The following PDE9A variants were observed in gnomAD, a reference collection of about 807,000 sequenced individuals.
PDE9A encodes high affinity cGMP-specific 3',5'-cyclic phosphodiesterase 9A.
Under a neutral mutation model 87.4 loss-of-function variants are expected in PDE9A, and 60 were observed. The ratio of observed to expected loss-of-function variants is 0.69; its 90% confidence interval spans 0.56 to 0.85. PDE9A has a LOEUF of 0.85. Among genes scored for constraint, PDE9A ranks in the 40% least tolerant of loss-of-function variants. The probability of loss-of-function intolerance (pLI) is 0.00; values close to 1 mark genes in which losing one functional copy is unlikely to be tolerated. For synonymous variants in PDE9A, 272 were observed against 279.4 expected (o/e 0.97, Z 0.27); for missense variants, 665 against 779.0 (o/e 0.85, Z 1.74).
At chr21:42,745,470 G>A (rs2053748549) in intron 8 of PDE9A, among the ~76,000 whole-genome samples, 1 of 152,232 alleles carries the variant, frequency 6.6e-6, no homozygotes, top group Admixed American at 6.5e-5. Flanking sequence ...TTAAAGGACG[G>A]GAGACAGAGT....
intron 1 of PDE9A, among the ~76,000 whole-genome samples, chr21:42,655,737 A>G (rs1417293260): frequency 6.6e-6 from 1 of 152,214 alleles, no homozygotes; most frequent in Non-Finnish European, 1.5e-5. Flanking sequence ...CACGATGAGC[A>G]TTATTCTTCC....
chr21:42,739,799 T>C lies in PDE9A; in HGVS notation c.569-3977T>C, dbSNP rs2146834310. On this transcript the variant is annotated intron_variant, in intron 7 of 19. Coordinates refer to ENST00000291539, the MANE Select transcript of PDE9A (RefSeq NM_002606.3). The surrounding 1 kb of genome is among the most constrained non-coding windows in gnomAD (Gnocchi z 4.1). ...CTTAAAACAGAGCCTTGTATGGACA[T>C]GGGAAAAAAATTATAGGTTTGTTGC... Among the ~76,000 whole-genome samples, 1 of 151,946 alleles carries C rather than the reference T, an allele frequency of 6.6e-6. No homozygotes were observed. The highest frequency in any genetic ancestry group is 2.1e-4 in the South Asian group (1 of 4,816).
chr21:42,689,497 C>G lies in PDE9A; in HGVS notation c.218+1503C>G, dbSNP rs1262915398. On this transcript the variant is annotated intron_variant, in intron 3 of 19. Coordinates refer to ENST00000291539, the MANE Select transcript of PDE9A (RefSeq NM_002606.3). Reference sequence around the variant, plus strand: ...ACTGAGTGACCTGTCCTCCTGACACCCACAAGACTAAAATGATCTCTCAGA... The same window carrying G: ...ACTGAGTGACCTGTCCTCCTGACACGCACAAGACTAAAATGATCTCTCAGA... The G allele has an allele frequency of 1.8e-5, 18 of 980,464 alleles. No homozygotes were observed. The Admixed American group carries it at 1.1e-3, about 60-fold the overall frequency. 60.7% of individuals were successfully genotyped at this position (980,464 alleles called of 1,614,324 possible).
At chr21:42,706,911 G>A (rs1020953797) in intron 4 of PDE9A, among the ~76,000 whole-genome samples, 21 of 152,084 alleles carry the variant, frequency 1.4e-4, no homozygotes, top group Non-Finnish European at 1.6e-4. Context: ...GGCTCCCCGC[G>A]TTGTGGCATA....
intron 3 of PDE9A, among the ~76,000 whole-genome samples, chr21:42,688,240 G>T (rs1027293001): frequency 6.6e-6 from 1 of 152,150 alleles, no homozygotes; most frequent in East Asian, 1.9e-4. Context: ...ACGGGAGGAG[G>T]CATTGTACAG....
intron 4 of PDE9A, among the ~76,000 whole-genome samples, chr21:42,728,224 T>C (rs945283977): frequency 1.3e-5 from 2 of 152,206 alleles, no homozygotes; most frequent in African/African-American, 4.8e-5. Flanking sequence ...TACTATACCA[T>C]CTTATATAAG....
At chr21:42,727,902 G>A (rs2051311951) in intron 4 of PDE9A, among the ~76,000 whole-genome samples, 1 of 151,906 alleles carries the variant, frequency 6.6e-6, no homozygotes, top group South Asian at 2.1e-4. Context: ...CTATTGCACT[G>A]GCTAGGACTC....
chr21:42,673,178 A>T (rs2058657282), intron 1 of PDE9A, among the ~76,000 whole-genome samples: 1 of 152,134 alleles, frequency 6.6e-6, no homozygotes. Context: ...AAAAGTTAAG[A>T]AATCTTCCCT....
intron 1 of PDE9A, among the ~76,000 whole-genome samples, chr21:42,677,645 C>CT (rs3841782): frequency 8.2e-4 from 121 of 147,700 alleles, no homozygotes; most frequent in Admixed American, 1.0e-3. Flanking sequence ...ATCCAGTTAT[C>CT]TTTTTTTTTT....
chr21:42,761,387 G>A (rs1364588936), intron 13 of PDE9A, among the ~76,000 whole-genome samples: 1 of 152,248 alleles, frequency 6.6e-6, no homozygotes, highest in Non-Finnish European at 1.5e-5. Context: ...GGAGGTGGGA[G>A]TGAGGTGTCC....
Position 42,760,870 on chromosome 21 carries a change from A to G in PDE9A, c.1048A>G (p.Ile350Val). 6.2e-7 allele frequency: 1 copy of G among 1,612,532 alleles called. No homozygotes were observed. The highest frequency in any genetic ancestry group is 8.5e-7 in the Non-Finnish European group (1 of 1,178,584). ...TATCCTGATCCTAATGACAGCGGCCATCTGCCACGATCTGGACCATCCCGG... is the reference window on the plus strand; with the variant it reads ...TATCCTGATCCTAATGACAGCGGCCGTCTGCCACGATCTGGACCATCCCGG... ...TDILILMTAA[I>V]CHDLDHPGYN... Residue 350 changes from isoleucine to valine, a missense_variant, in exon 13 of 20, where the codon ATC (isoleucine) becomes GTC (valine). Transcript: ENST00000291539. This position sits in a 1 kb window ranked among gnomAD's most constrained non-coding sequence, Gnocchi z 5.2.
At position 42,760,550 on chromosome 21, in the gene PDE9A, G is replaced by T; in HGVS notation, c.1002+118G>T. On this transcript the variant is annotated intron_variant, in intron 12 of 19. Coordinates refer to ENST00000291539, the MANE Select transcript of PDE9A (RefSeq NM_002606.3). The surrounding 1 kb of genome is among the most constrained non-coding windows in gnomAD (Gnocchi z 5.2). ...AGCCACAGGCGTGGGGTCCCCAGCC[G>T]CTCCGCCCCTCCTAGGGACGCACCC... 2 of 672,610 alleles carry T rather than the reference G, an allele frequency of 3.0e-6. No individual in the cohort carries two copies. The highest frequency in any genetic ancestry group is 5.2e-6 in the Non-Finnish European group (2 of 383,724). 41.7% of individuals were successfully genotyped at this position (672,610 alleles called of 1,614,324 possible). A position where few individuals can be genotyped will look rare whatever the true frequency, so the allele number is the denominator to read the frequency against.
intron 4 of PDE9A, among the ~76,000 whole-genome samples, chr21:42,706,475 T>C (rs1440897141): frequency 6.6e-6 from 1 of 151,710 alleles, no homozygotes; most frequent in East Asian, 1.9e-4. Context: ...TGAAACCCTG[T>C]CTCTACTAAA....
Position 42,759,106 on chromosome 21 carries a change from C to T in PDE9A, c.897+21C>T, listed in dbSNP as rs1213214355. On this transcript the variant is annotated intron_variant, in intron 11 of 19. Transcript: ENST00000291539. The surrounding 1 kb of genome is among the most constrained non-coding windows in gnomAD (Gnocchi z 7.2). ...GGCTGGTGAGTGCCAAACCCGCCTT[C>T]GGTTCTTCCTGGGCACGTGGTTTCA... 3.8e-6 allele frequency: 6 copies of T among 1,580,164 alleles called. No homozygotes were observed. The Admixed American group carries it at 5.0e-5, about 13-fold the overall frequency.
At chr21:42,761,640 G>C (rs560094308) in intron 13 of PDE9A, among the ~76,000 whole-genome samples, 2 of 152,282 alleles carry the variant, frequency 1.3e-5, no homozygotes, top group East Asian at 3.9e-4. Context: ...CTCCTCCCGG[G>C]GCCATCACCA....
intron 1 of PDE9A, among the ~76,000 whole-genome samples, chr21:42,666,691 G>T (rs1349092873): frequency 1.3e-5 from 2 of 152,170 alleles, no homozygotes; most frequent in Non-Finnish European, 2.9e-5. Context: ...TGTGTCCTCG[G>T]CGCCTCGTTT....
intron 1 of PDE9A, among the ~76,000 whole-genome samples, chr21:42,670,602 C>T (rs971707207): frequency 6.6e-6 from 1 of 151,202 alleles, no homozygotes; most frequent in African/African-American, 2.4e-5. Context: ...CTTACACATG[C>T]ACTCACACAC....
intron 14 of PDE9A, among the ~76,000 whole-genome samples, chr21:42,762,637 A>G (rs2055926936): frequency 6.6e-6 from 1 of 152,020 alleles, no homozygotes; most frequent in African/African-American, 2.4e-5. Flanking sequence ...CCCCTGCCCC[A>G]TAACCCCAGC....
At chr21:42,721,941 T>C (rs2050572550) in intron 4 of PDE9A, among the ~76,000 whole-genome samples, 1 of 151,852 alleles carries the variant, frequency 6.6e-6, no homozygotes, top group African/African-American at 2.4e-5. Flanking sequence ...AGAGACCCCT[T>C]TTACCCTTTT....
Sources: gnomAD v4.1 joint callset for allele counts (sites outside exome capture counted in the v4.1 genomes callset) on GRCh38, gnomAD v4.1.1 for gene constraint, Gnocchi (gnomAD v3.1) non-coding constraint, MANE v1.5 for transcripts, NCBI Gene and HGNC (gene_info 2026-07-23, HGNC 2026-07-21) for gene names.